DOK5: variants seen among roughly 807,000 people sequenced by gnomAD.
DOK5 encodes the protein docking protein 5.
In DOK5, 27 loss-of-function variants were observed where a neutral mutation model predicts 43.3. That is an observed-to-expected ratio of 0.62 (90% CI 0.46 to 0.86). DOK5 has a LOEUF of 0.86. Ranked by LOEUF, DOK5 falls within the 40% of genes least tolerant of loss-of-function variation. The probability of loss-of-function intolerance (pLI) is 0.00; values close to 1 mark genes in which losing one functional copy is unlikely to be tolerated. For missense variants in DOK5, 373 were observed against 392.9 expected (o/e 0.95, Z 0.43); for synonymous variants, 146 against 140.1 (o/e 1.04, Z -0.30).
chr20:54,519,057 G>T (rs1983299770), intron 1 of DOK5, among the ~76,000 whole-genome samples: 1 of 152,164 alleles, frequency 6.6e-6, no homozygotes, highest in African/African-American at 2.4e-5. Context: ...GGAAACAACA[G>T]GTGCTGGAGA....
chr20:54,631,974 A>G (rs1248621980), intron 6 of DOK5, among the ~76,000 whole-genome samples: 2 of 152,208 alleles, frequency 1.3e-5, no homozygotes, highest in African/African-American at 4.8e-5. Flanking sequence ...CCGTCTCAAA[A>G]ACAAAACAAA....
At chr20:54,609,551 A>G (rs1196352806) in intron 5 of DOK5, among the ~76,000 whole-genome samples, 1 of 150,594 alleles carries the variant, frequency 6.6e-6, no homozygotes, top group Non-Finnish European at 1.5e-5. Context: ...TAAAATATAT[A>G]GAGAGCATAT....
At position 54,650,559 on chromosome 20, in the gene DOK5, G is replaced by T; in HGVS notation, c.*80G>T. 7.3e-7 allele frequency: 1 copy of T among 1,363,902 alleles called. No homozygotes were observed. The highest frequency in any genetic ancestry group is 1.4e-5 in the African/African-American group (1 of 69,778). 84.5% of individuals were successfully genotyped at this position (1,363,902 alleles called of 1,614,324 possible). On this transcript the variant is annotated 3_prime_UTR_variant, in exon 8 of 8. Coordinates refer to ENST00000262593, the MANE Select transcript of DOK5 (RefSeq NM_018431.5). ...CCAGGAGGTCACAGAATGACAGCAA[G>T]GGAAATGACGACCAAGAGAAGAAGC...
At chr20:54,556,524 G>A (rs147639588) in intron 2 of DOK5, among the ~76,000 whole-genome samples, 9 of 152,294 alleles carry the variant, frequency 5.9e-5, no homozygotes, top group African/African-American at 2.2e-4. Context: ...TGAACCAGAT[G>A]TATTATGGCC....
intron 2 of DOK5, among the ~76,000 whole-genome samples, chr20:54,579,358 T>TTGTGTGTGTG (rs151204252): frequency 2.4e-3 from 356 of 150,812 alleles, no homozygotes; most frequent in Non-Finnish European, 3.8e-3. Context: ...GTGTGTGTGC[T>TTGTGTGTGTG]TGTGTGTGTG....
intron 1 of DOK5, among the ~76,000 whole-genome samples, chr20:54,486,793 C>A (rs946057549): frequency 6.6e-6 from 1 of 152,104 alleles, no homozygotes; most frequent in African/African-American, 2.4e-5. Context: ...TAATCCTGTG[C>A]CTGACTCATA....
intron 1 of DOK5, among the ~76,000 whole-genome samples, chr20:54,550,739 G>T (rs1156826176): frequency 7.3e-6 from 1 of 137,518 alleles, no homozygotes. Flanking sequence ...TCTTTTTATT[G>T]CTAGTAGTAT....
intron 1 of DOK5, among the ~76,000 whole-genome samples, chr20:54,498,203 G>T (rs768219724): frequency 3.9e-5 from 6 of 152,148 alleles, no homozygotes; most frequent in Non-Finnish European, 7.4e-5. Flanking sequence ...GTTACTTTCT[G>T]CACCTTAGCA....
chr20:54,592,814 G>A lies in DOK5; in HGVS notation c.599+1009G>A, dbSNP rs1033765474. 2.6e-5 allele frequency among the ~76,000 whole-genome samples: 4 copies of A among 152,100 alleles called. No individual in the cohort carries two copies. In the South Asian group the frequency reaches 6.2e-4, roughly 24 times the overall value. On this transcript the variant is annotated intron_variant, in intron 5 of 7. Coordinates refer to ENST00000262593, the MANE Select transcript of DOK5 (RefSeq NM_018431.5). ...TCCAAAGTGCTGGGATTACCGGCGTGAGCCACCACGCCCGGCCAGATAAAT... is the reference window on the plus strand; with the variant it reads ...TCCAAAGTGCTGGGATTACCGGCGTAAGCCACCACGCCCGGCCAGATAAAT...
At chr20:54,585,967 C>T (rs1366883953) in intron 2 of DOK5, among the ~76,000 whole-genome samples, 1 of 152,012 alleles carries the variant, frequency 6.6e-6, no homozygotes, top group Non-Finnish European at 1.5e-5. Context: ...ACTAAAAATA[C>T]AAAAAAATTA....
At chr20:54,628,922 A>G (rs1221338911) in intron 6 of DOK5, among the ~76,000 whole-genome samples, 1 of 152,182 alleles carries the variant, frequency 6.6e-6, no homozygotes, top group African/African-American at 2.4e-5. Context: ...ATTATCTATG[A>G]TCATCATTCT....
At chr20:54,522,010 T>G (rs1025862550) in intron 1 of DOK5, among the ~76,000 whole-genome samples, 4 of 152,192 alleles carry the variant, frequency 2.6e-5, no homozygotes, top group Non-Finnish European at 4.4e-5. Flanking sequence ...TTGGGTGTTG[T>G]CTGTCCCCAC....
At chr20:54,636,885 C>A (rs1978849126) in intron 6 of DOK5, among the ~76,000 whole-genome samples, 1 of 152,136 alleles carries the variant, frequency 6.6e-6, no homozygotes, top group South Asian at 2.1e-4. Flanking sequence ...AGTCACGAGA[C>A]AATTAAATTT....
At chr20:54,546,715 T>G (rs1984361318) in intron 1 of DOK5, among the ~76,000 whole-genome samples, 1 of 152,186 alleles carries the variant, frequency 6.6e-6, no homozygotes, top group Non-Finnish European at 1.5e-5. Flanking sequence ...TTTCACCTAC[T>G]TAGTTAAATT....
chr20:54,627,699 A>G (rs1319964124), intron 6 of DOK5, among the ~76,000 whole-genome samples: 2 of 152,220 alleles, frequency 1.3e-5, no homozygotes, highest in Admixed American at 6.5e-5. Flanking sequence ...ACAGTCACCT[A>G]CAAAGCTTGT....
intron 1 of DOK5, among the ~76,000 whole-genome samples, chr20:54,509,073 G>A (rs1165080007): frequency 6.8e-6 from 1 of 147,268 alleles, no homozygotes; most frequent in Non-Finnish European, 1.5e-5. Flanking sequence ...ACAGGGTTTT[G>A]CCATGTTGGC....
chr20:54,563,526 G>A (rs182111017), intron 2 of DOK5, among the ~76,000 whole-genome samples: 96 of 152,056 alleles, frequency 6.3e-4, no homozygotes, highest in African/African-American at 1.2e-3. Flanking sequence ...TACTGTATGT[G>A]GAACATTCAA....
intron 6 of DOK5, among the ~76,000 whole-genome samples, chr20:54,613,280 G>A (rs1986712106): frequency 6.6e-6 from 1 of 150,376 alleles, no homozygotes; most frequent in Non-Finnish European, 1.5e-5. Flanking sequence ...CTTTCTAAAT[G>A]TCTAAGTAGA....
At chr20:54,558,494 C>T (rs1350704383) in intron 2 of DOK5, among the ~76,000 whole-genome samples, 1 of 152,110 alleles carries the variant, frequency 6.6e-6, no homozygotes, top group Non-Finnish European at 1.5e-5. Context: ...AGATCTGATA[C>T]ATTTAGTATT....
Sources: allele counts gnomAD v4.1 joint callset (sites outside exome capture counted in the v4.1 genomes callset), GRCh38; gene constraint gnomAD v4.1.1; transcripts MANE v1.5; gene names NCBI Gene and HGNC (gene_info 2026-07-23, HGNC 2026-07-21).